The following CLASP1 variants were observed in gnomAD, a reference collection of about 807,000 sequenced individuals.
The protein encoded by CLASP1 is cytoplasmic linker associated protein 1, also known as CLIP-associating protein 1.
A neutral mutation model predicts 192.3 loss-of-function variants in CLASP1; 38 were observed. That is an observed-to-expected ratio of 0.20 (90% CI 0.15 to 0.26). The LOEUF is 0.26. CLASP1 is among the 10% of genes least tolerant of loss of function. The pLI, the probability that CLASP1 is intolerant of heterozygous loss-of-function variation, is 1.00. For missense variants in CLASP1, 1,433 were observed against 1,932.5 expected (o/e 0.74, Z 4.85); for synonymous variants, 691 against 712.8 (o/e 0.97, Z 0.49).
chr2:121,646,897 G>T (rs985195538), intron 1 of CLASP1, among the ~76,000 whole-genome samples: 1 of 151,872 alleles, frequency 6.6e-6, no homozygotes, highest in Non-Finnish European at 1.5e-5. Context: ...AAAATTAGCC[G>T]GGCATGGTGG....
chr2:121,357,217 G>A lies in CLASP1; in HGVS notation c.4206+5955C>T, dbSNP rs1262473996. 7.2e-5 allele frequency among the ~76,000 whole-genome samples: 11 copies of A among 152,134 alleles called. No individual in the cohort carries two copies. The East Asian group carries it at 9.6e-4, about 13-fold the overall frequency. On this transcript the variant is annotated intron_variant, in intron 37 of 39. Transcript: ENST00000263710. ...CTCAATTGCATTTAATAGCTTCTTC[G>A]GTGTATTTAGAGAAATGCAGTTATA...
intron 1 of CLASP1, among the ~76,000 whole-genome samples, chr2:121,622,758 A>G (rs868213615): frequency 6.6e-6 from 1 of 152,320 alleles, no homozygotes; most frequent in Middle Eastern, 3.4e-3. Flanking sequence ...TGAGGAGCTC[A>G]TAACAGTTTT....
chr2:121,385,338 C>T (rs1007007019), intron 32 of CLASP1, among the ~76,000 whole-genome samples: 3 of 152,140 alleles, frequency 2.0e-5, no homozygotes, highest in South Asian at 2.1e-4. Context: ...AAAGAAACTA[C>T]ATAAATAATT....
intron 2 of CLASP1, among the ~76,000 whole-genome samples, chr2:121,578,156 C>T (rs2060724864): frequency 6.6e-6 from 1 of 151,962 alleles, no homozygotes; most frequent in Non-Finnish European, 1.5e-5. Flanking sequence ...TGGTCTCGAA[C>T]TCATTAGCTC....
intron 37 of CLASP1, among the ~76,000 whole-genome samples, chr2:121,353,216 G>C (rs987190878): frequency 6.6e-5 from 10 of 152,110 alleles, no homozygotes; most frequent in African/African-American, 2.4e-4. Context: ...CACCAGAGTG[G>C]AGCTCAGCAG....
intron 2 of CLASP1, among the ~76,000 whole-genome samples, chr2:121,549,706 C>CAAA (rs57551536): frequency 1.4e-5 from 1 of 70,632 alleles, no homozygotes; most frequent in Non-Finnish European, 2.9e-5. Context: ...CAATCCTCTG[C>CAAA]AAAAAAAAAA....
intron 6 of CLASP1, among the ~76,000 whole-genome samples, chr2:121,517,448 T>C (rs375254982): frequency 4.2e-4 from 64 of 152,210 alleles, no homozygotes; most frequent in African/African-American, 1.5e-3. Context: ...AAAAGGCAAA[T>C]CTTAGGCTAT....
At chr2:121,548,966 A>T (rs2057742591) in intron 2 of CLASP1, among the ~76,000 whole-genome samples, 1 of 152,224 alleles carries the variant, frequency 6.6e-6, no homozygotes, top group Admixed American at 6.5e-5. Flanking sequence ...ACTACCAACA[A>T]ATGCAAAAAC....
chr2:121,365,692 G>A (rs997501088), intron 35 of CLASP1, among the ~76,000 whole-genome samples: 1 of 152,178 alleles, frequency 6.6e-6, no homozygotes, highest in African/African-American at 2.4e-5. Flanking sequence ...CCTCTTACCA[G>A]GGTCAAATCT....
chr2:121,442,853 A>G lies in CLASP1; in HGVS notation c.1912+4484T>C, dbSNP rs540953894. On this transcript the variant is annotated intron_variant, in intron 19 of 39. Coordinates refer to ENST00000263710, the Ensembl canonical transcript of CLASP1. ...CAGAAGCTAGATTATAAAATATTTAAGAGACTTATTAATAAATTTTTAAAA... is the reference window on the plus strand; with the variant it reads ...CAGAAGCTAGATTATAAAATATTTAGGAGACTTATTAATAAATTTTTAAAA... Among the ~76,000 whole-genome samples, 7 of 152,244 alleles carry G rather than the reference A, an allele frequency of 4.6e-5. No individual in the cohort carries two copies. In the East Asian group the frequency reaches 1.2e-3, roughly 25 times the overall value.
At chr2:121,343,338 C>G (rs2063020050) in intron 39 of CLASP1, among the ~76,000 whole-genome samples, 1 of 152,144 alleles carries the variant, frequency 6.6e-6, no homozygotes, top group Admixed American at 6.6e-5. Flanking sequence ...CAGGGAGGTT[C>G]CCTGAAACAT....
intron 2 of CLASP1, among the ~76,000 whole-genome samples, chr2:121,568,326 AG>A (rs2059687758): frequency 6.6e-6 from 1 of 152,086 alleles, no homozygotes; most frequent in African/African-American, 2.4e-5. Context: ...CCACTGGACC[AG>A]AGAGGGGTGG....
chr2:121,531,521 G>A (rs1010171470), intron 2 of CLASP1, among the ~76,000 whole-genome samples: 1 of 151,738 alleles, frequency 6.6e-6, no homozygotes, highest in East Asian at 1.9e-4. Flanking sequence ...CGTGAATCCG[G>A]GGGGGTGGAG....
chr2:121,596,426 T>C (rs754067568), intron 2 of CLASP1, among the ~76,000 whole-genome samples: 22 of 152,190 alleles, frequency 1.4e-4, no homozygotes, highest in Non-Finnish European at 2.9e-4. Context: ...CTGAATCCAA[T>C]AATCTTTTCT....
intron 2 of CLASP1, among the ~76,000 whole-genome samples, chr2:121,549,377 A>G (rs1450921865): frequency 6.6e-6 from 1 of 152,200 alleles, no homozygotes. Context: ...CAATTCAACA[A>G]GACGACCTAA....
chr2:121,403,858 G>T, intron 26 of CLASP1: 1 of 452,788 alleles, frequency 2.2e-6, no homozygotes. Context: ...AGTGATCCCC[G>T]TTCAGCAAAT....
intron 1 of CLASP1, 78 bp downstream of exon 1, chr2:121,649,294 C>G (rs1011490576): frequency 6.6e-6 from 1 of 152,198 alleles, no homozygotes; most frequent in Non-Finnish European, 1.5e-5. Context: ...CCAGACCCGG[C>G]GCCCGCCACT....
chr2:121,494,416 T>C (rs1042779081), intron 8 of CLASP1, among the ~76,000 whole-genome samples: 9 of 152,068 alleles, frequency 5.9e-5, no homozygotes, highest in East Asian at 1.9e-4. Context: ...CTTATGGAGA[T>C]AGGGAGTAGA....
At chr2:121,502,470 G>C (rs568462078) in intron 8 of CLASP1, among the ~76,000 whole-genome samples, 1 of 152,286 alleles carries the variant, frequency 6.6e-6, no homozygotes, top group East Asian at 1.9e-4. Context: ...TGAGGGAGGA[G>C]GGATGAGGCC....
Sources: allele counts gnomAD v4.1 joint callset (sites outside exome capture counted in the v4.1 genomes callset), GRCh38; gene constraint gnomAD v4.1.1; transcripts MANE v1.5; gene names NCBI Gene and HGNC (gene_info 2026-07-23, HGNC 2026-07-21).